Variants in H2AZ2 observed in about 807,000 individuals in gnomAD.
H2AZ2 encodes the protein histone H2A.V.
In H2AZ2, 5 loss-of-function variants were observed where a neutral mutation model predicts 15.5. The observed-to-expected ratio is 0.32, with a 90% CI of 0.17 to 0.68. The LOEUF (loss-of-function observed/expected upper bound fraction) is 0.68. Among genes scored for constraint, H2AZ2 ranks in the 30% least tolerant of loss-of-function variants. H2AZ2 has a pLI of 0.72. For synonymous variants in H2AZ2, 44 were observed against 57.4 expected, an observed-to-expected ratio of 0.77 and a Z score of 1.05; for missense variants, 42 against 162.5, an observed-to-expected ratio of 0.26 and a Z score of 4.03.
At position 44,841,656 on chromosome 7, in the gene H2AZ2, C is replaced by T. The variant is rs539419938; in HGVS notation, c.82-644G>A. Among the ~76,000 whole-genome samples, 131 of 152,216 alleles carry T rather than the reference C, an allele frequency of 8.6e-4. 1 individual carries two copies. Among genetic ancestry groups the T allele is most frequent in the African/African-American group, 2.8e-3 (117 of 41,534 alleles). On this transcript the variant is annotated intron_variant, in intron 2 of 4. Transcript: ENST00000308153. ...TCCTGAGTAGGTGGGATTATAGGCG[C>T]GCCAGGACGCCTGGCTGTTTTGTAT...
chr7:44,838,022 G>A (rs1793172786), intron 3 of H2AZ2, among the ~76,000 whole-genome samples: 1 of 151,798 alleles, frequency 6.6e-6, no homozygotes, highest in African/African-American at 2.4e-5. Flanking sequence ...CCAGGCTGGA[G>A]TGCAGTGGCG....
rs752505439 is a variant in H2AZ2, at chr7:44,834,577, A to T, written c.326-15T>A. On this transcript the variant is annotated splice_polypyrimidine_tract_variant and intron_variant, in intron 4 of 4. Transcript: ENST00000308153. ...AGGGATCACACCTAGAATGAAATTT[A>T]AAAAAGTTATTAAAAACTTTTAAAG... 1.3e-4 allele frequency: 213 copies of T among 1,585,084 alleles called. 1 individual carries two copies. The highest frequency in any genetic ancestry group is 2.3e-4 in the Admixed American group (13 of 57,098).
chr7:44,847,824 C>G (rs955832264), intron 1 of H2AZ2, 145 bp downstream of exon 1: 1 of 1,128,964 alleles, frequency 8.9e-7, no homozygotes, highest in East Asian at 3.1e-5. Context: ...GGACATGGCG[C>G]CCCCCGGCGG....
At chr7:44,837,835 G>C (rs945745896) in intron 3 of H2AZ2, among the ~76,000 whole-genome samples, 1 of 78,356 alleles carries the variant, frequency 1.3e-5, no homozygotes, top group African/African-American at 3.1e-5. Context: ...AAAAAAAGGG[G>C]GGGGGGGCTT....
downstream of H2AZ2, chr7:44,830,040 A>G (rs1792979207): frequency 3.7e-6 from 4 of 1,071,640 alleles, no homozygotes; most frequent in Non-Finnish European, 4.2e-6. Flanking sequence ...TGTTCAGCAC[A>G]TTCGGGCAGT....
intron 1 of H2AZ2, among the ~76,000 whole-genome samples, chr7:44,843,917 G>T (rs903493976): frequency 6.6e-6 from 1 of 151,994 alleles, no homozygotes; most frequent in South Asian, 2.1e-4. Context: ...AAAGAATCTT[G>T]CAAGTCAATA....
chr7:44,842,270 C>G (rs1163354048), intron 2 of H2AZ2, among the ~76,000 whole-genome samples: 1 of 152,156 alleles, frequency 6.6e-6, no homozygotes, highest in Non-Finnish European at 1.5e-5. Flanking sequence ...CACCAACGTC[C>G]CTGTGCTCCT....
At chr7:44,826,919 A>G (rs1362043549) in exon 5 of H2AZ2, 1 of 152,258 alleles carries the variant, frequency 6.6e-6, no homozygotes, top group East Asian at 1.9e-4. Flanking sequence ...CATGCCAATT[A>G]AATATACTCT....
intron 4 of H2AZ2, 58 bp from the exon 5 acceptor site, chr7:44,834,620 AAGTT>A: frequency 6.9e-7 from 1 of 1,444,180 alleles, no homozygotes; most frequent in Non-Finnish European, 9.6e-7. Context: ...CTCAAGTAAA[AAGTT>A]AATTATAGAA....
Position 44,832,909 on chromosome 7 carries a change from C to A in H2AZ2, c.*1592G>T, listed in dbSNP as rs1209672935. 6.6e-6 allele frequency among the ~76,000 whole-genome samples: 1 copy of A among 152,116 alleles called. No homozygotes were observed. Among genetic ancestry groups the A allele is most frequent in the Non-Finnish European group, 1.5e-5 (1 of 68,024 alleles). On this transcript the variant is annotated 3_prime_UTR_variant, in exon 5 of 5. Coordinates refer to ENST00000308153, the MANE Select transcript of H2AZ2 (RefSeq NM_012412.5). ...AGGCTGCAGTGAGCCAGGATCATGC[C>A]ACTGCACTTCAACCTGGGCAAAAGA... is the stretch of plus-strand genomic sequence containing the variant.
chr7:44,834,420 A>T lies in H2AZ2; in HGVS notation c.*81T>A, dbSNP rs1471117020. ...GCTTTTCCATTTAACTGTTGTTAAA[A>T]ATTCCACATATCCCCATTATTTCTT... On this transcript the variant is annotated 3_prime_UTR_variant, in exon 5 of 5. Transcript: ENST00000308153. 46 of 1,525,658 alleles carry T rather than the reference A, an allele frequency of 3.0e-5. No homozygotes were observed. The highest frequency in any genetic ancestry group is 4.1e-5 in the Non-Finnish European group (46 of 1,129,030). 94.5% of individuals were successfully genotyped at this position (1,525,658 alleles called of 1,614,324 possible).
intron 3 of H2AZ2, among the ~76,000 whole-genome samples, chr7:44,838,816 T>C (rs1196694486): frequency 1.3e-5 from 2 of 152,168 alleles, no homozygotes; most frequent in Non-Finnish European, 2.9e-5. Flanking sequence ...ATAACTGACA[T>C]ACAGATTAAA....
Position 44,835,650 on chromosome 7 carries a change from C to T in H2AZ2, c.204G>A (p.Glu68=), listed in dbSNP as rs983034998. 1 of 1,602,052 alleles carries T rather than the reference C, an allele frequency of 6.2e-7. No individual in the cohort carries two copies. The highest frequency in any genetic ancestry group is 1.3e-5 in the African/African-American group (1 of 74,782). Residue 68 remains glutamate (E), a synonymous_variant, in exon 4 of 5, where the codon GAG becomes GAA. Coordinates refer to ENST00000308153, the MANE Select transcript of H2AZ2 (RefSeq NM_012412.5). ...GATCCTTAGAAGCATTACCTGCCAG[C>T]TCCAGCACCTACAAAGCATCCATGA... ...ILEYLTAEVL[E]LAGNASKDLK...
At chr7:44,839,859 C>T (rs1030504532) in intron 3 of H2AZ2, among the ~76,000 whole-genome samples, 3 of 151,368 alleles carry the variant, frequency 2.0e-5, no homozygotes, top group East Asian at 1.9e-4. Flanking sequence ...AAAAATTAGC[C>T]GGGTGTAGTG....
chr7:44,832,098 C>T lies in H2AZ2; in HGVS notation c.*2403G>A, dbSNP rs1351701446. ...TTCTATAGGACAAACAACTTAGTTT[C>T]TTCAAAAATTAAAAACAGGAAAGTT... is the stretch of plus-strand genomic sequence containing the variant. On this transcript the variant is annotated 3_prime_UTR_variant, in exon 5 of 5. Transcript: ENST00000308153. Among the ~76,000 whole-genome samples, 1 of 152,026 alleles carries T rather than the reference C, an allele frequency of 6.6e-6. No individual in the cohort carries two copies. Among genetic ancestry groups the T allele is most frequent in the Admixed American group, 6.6e-5 (1 of 15,252 alleles).
chr7:44,836,803 T>A (rs1793134193), intron 3 of H2AZ2, among the ~76,000 whole-genome samples: 2 of 151,848 alleles, frequency 1.3e-5, no homozygotes, highest in Non-Finnish European at 2.9e-5. Context: ...GAGACCATCC[T>A]GGCTAACACG....
At chr7:44,828,346 T>C (rs981515934), downstream of H2AZ2, 1 of 152,190 alleles carries the variant, frequency 6.6e-6, no homozygotes, top group East Asian at 1.9e-4. Context: ...ATGTTCTCAC[T>C]GAACCTCTGG....
intron 3 of H2AZ2, among the ~76,000 whole-genome samples, chr7:44,839,080 T>C (rs942434211): frequency 6.6e-6 from 1 of 152,204 alleles, no homozygotes; most frequent in Non-Finnish European, 1.5e-5. Context: ...CTGAGTAATA[T>C]ACAGCAATTT....
chr7:44,828,822 G>A (rs1792961901), downstream of H2AZ2: 1 of 152,178 alleles, frequency 6.6e-6, no homozygotes, highest in Non-Finnish European at 1.5e-5. Context: ...GTAAGGCCAA[G>A]CTTCTCATCT....
Sources: allele counts gnomAD v4.1 joint callset (sites outside exome capture counted in the v4.1 genomes callset), GRCh38; gene constraint gnomAD v4.1.1; transcripts MANE v1.5; gene names NCBI Gene and HGNC (gene_info 2026-07-23, HGNC 2026-07-21).